Variants in PKP2 observed in about 807,000 individuals in gnomAD.
PKP2 encodes plakophilin 2.
A neutral mutation model predicts 83.4 loss-of-function variants in PKP2; 73 were observed. The observed-to-expected ratio is 0.88, with a 90% confidence interval of 0.72 to 1.06. PKP2 has a LOEUF of 1.06. Among genes scored for constraint, PKP2 ranks in the 50% least tolerant of loss-of-function variants. The probability of loss-of-function intolerance (pLI) is 0.00; values close to 1 mark genes in which losing one functional copy is unlikely to be tolerated. For missense variants in PKP2, 966 were observed against 1,065.4 expected, an observed-to-expected ratio of 0.91 and a Z score of 1.30; for synonymous variants, 409 against 430.4, an observed-to-expected ratio of 0.95 and a Z score of 0.62.
chr12:32,801,376 T>G (rs57788279), intron 10 of PKP2, among the ~76,000 whole-genome samples: 31,183 of 152,024 alleles, frequency 0.21, 3,832 homozygotes, highest in East Asian at 0.56. Context: ...CAAAAGACCA[T>G]GGGGAGAGCA....
chr12:32,878,606 T>C, intron 2 of PKP2, 63 bp from the exon 3 acceptor site: 1 of 1,304,624 alleles, frequency 7.7e-7, no homozygotes, highest in Non-Finnish European at 1.1e-6. Flanking sequence ...TGCTGAGGAC[T>C]AATTACTCTG....
At chr12:32,796,793 A>G (rs1956130245) in intron 10 of PKP2, among the ~76,000 whole-genome samples, 2 of 152,192 alleles carry the variant, frequency 1.3e-5, no homozygotes, top group Admixed American at 6.5e-5. Context: ...TGAAAAGAGG[A>G]TACTCTGTGC....
chr12:32,856,937 T>C (rs376694005), intron 4 of PKP2, among the ~76,000 whole-genome samples: 40 of 152,268 alleles, frequency 2.6e-4, no homozygotes, highest in African/African-American at 8.4e-4. Flanking sequence ...CTATTTCTAC[T>C]TTATAGGTAA....
intron 4 of PKP2, among the ~76,000 whole-genome samples, chr12:32,860,696 G>A (rs985533993): frequency 2.6e-5 from 4 of 152,088 alleles, no homozygotes; most frequent in African/African-American, 9.7e-5. Flanking sequence ...AATGCACACT[G>A]CACATGTATC....
At chr12:32,817,896 T>C (rs556611558) in intron 9 of PKP2, among the ~76,000 whole-genome samples, 24 of 152,270 alleles carry the variant, frequency 1.6e-4, no homozygotes, top group Admixed American at 3.3e-4. Context: ...GTGCTTGAGC[T>C]CCACTTCCTG....
chr12:32,800,383 A>G (rs940939205), intron 10 of PKP2, among the ~76,000 whole-genome samples: 1 of 152,172 alleles, frequency 6.6e-6, no homozygotes, highest in Non-Finnish European at 1.5e-5. Context: ...GCACTGAATG[A>G]TATGTCATCA....
At chr12:32,880,262 T>G (rs1956973577) in intron 1 of PKP2, among the ~76,000 whole-genome samples, 1 of 149,566 alleles carries the variant, frequency 6.7e-6, no homozygotes, top group Non-Finnish European at 1.5e-5. Flanking sequence ...TAGTCGGGGG[T>G]GGTGGTGGGC....
In PKP2 at chr12:32,792,444, A is replaced by G; in HGVS notation, c.2494T>C (p.Tyr832His). 6.2e-7 allele frequency: 1 copy of G among 1,613,578 alleles called. No homozygotes were observed. Among genetic ancestry groups the G allele is most frequent in the Non-Finnish European group, 8.5e-7 (1 of 1,179,492 alleles). Residue 832 changes from tyrosine (Y) to histidine (H), a missense_variant, in exon 13 of 13, where the codon TAC (tyrosine) becomes CAC (histidine). Coordinates refer to ENST00000340811, the MANE Select transcript of PKP2 (RefSeq NM_001005242.3). ...TTTCCTCAGTCTTTAAGGGAGTGGTAGGCTTTGGCAGTCCGGCTGTTGACA... is the reference window on the plus strand; with the variant it reads ...TTTCCTCAGTCTTTAAGGGAGTGGTGGGCTTTGGCAGTCCGGCTGTTGACA... ...DFVNSRTAKA[Y>H]HSLKD
chr12:32,801,004 C>T (rs1343567353), intron 10 of PKP2, among the ~76,000 whole-genome samples: 3 of 152,194 alleles, frequency 2.0e-5, no homozygotes. Context: ...CTGACTTTCA[C>T]TTATTTCTTG....
In PKP2 at chr12:32,806,955, G is replaced by A. The variant is rs1444194888; in HGVS notation, c.2014-4399C>T. 3.3e-5 allele frequency among the ~76,000 whole-genome samples: 5 copies of A among 151,992 alleles called. No homozygotes were observed. In the East Asian group the frequency reaches 5.8e-4, roughly 18 times the overall value. ...ACTTCTTGACTTCTGCCTTAATTTC[G>A]TTATTTATCCACAAGTAATTCAGGA... On this transcript the variant is annotated intron_variant, in intron 9 of 12. Transcript: ENST00000340811.
chr12:32,792,719 G>T lies in PKP2; in HGVS notation c.2370C>A (p.Asn790Lys), dbSNP rs775519219. 6.2e-7 allele frequency: 1 copy of T among 1,613,830 alleles called. No individual in the cohort carries two copies. Among genetic ancestry groups the T allele is most frequent in the African/African-American group, 1.3e-5 (1 of 75,002 alleles). Reference protein sequence around the residue: ...AISAGDAYASNKASKAASVLL... With the variant: ...AISAGDAYASKKASKAASVLL... The stretch of plus-strand genomic sequence containing the variant: ...GGACGGAAGCAGCTTTACTTGCTTT[G>T]TTGGAGGCATAGCTGAAAAGAAAAG... The change falls in exon 12 of 13, where the codon AAC becomes AAA. Residue 790 changes from asparagine to lysine, a missense_variant. Coordinates refer to ENST00000340811, the MANE Select transcript of PKP2 (RefSeq NM_001005242.3).
At chr12:32,821,864 A>C (rs1404809916) in intron 8 of PKP2, 29 of 321,218 alleles carry the variant, frequency 9.0e-5, no homozygotes, top group Middle Eastern at 1.1e-3. Context: ...CCCTGTAGAT[A>C]AGAAAAACAG....
chr12:32,806,620 T>C (rs1253761048), intron 9 of PKP2, among the ~76,000 whole-genome samples: 1 of 152,124 alleles, frequency 6.6e-6, no homozygotes, highest in African/African-American at 2.4e-5. Flanking sequence ...TTAGTCTAGC[T>C]AGTAGATCAT....
At chr12:32,807,835 T>C (rs962288521) in intron 9 of PKP2, among the ~76,000 whole-genome samples, 4 of 152,218 alleles carry the variant, frequency 2.6e-5, no homozygotes, top group African/African-American at 9.6e-5. Context: ...TTCTTTTCTT[T>C]AAGAATTTTA....
At chr12:32,824,755 C>A (rs182606845) in intron 6 of PKP2, among the ~76,000 whole-genome samples, 2 of 152,290 alleles carry the variant, frequency 1.3e-5, no homozygotes, top group African/African-American at 4.8e-5. Flanking sequence ...GTGTGTAAGG[C>A]TTCAGTCAAA....
intron 6 of PKP2, among the ~76,000 whole-genome samples, chr12:32,830,915 A>T (rs1427618438): frequency 6.6e-6 from 1 of 152,016 alleles, no homozygotes; most frequent in Non-Finnish European, 1.5e-5. Flanking sequence ...AAAAAAAAAA[A>T]AAAAATCCTT....
intron 5 of PKP2, among the ~76,000 whole-genome samples, chr12:32,844,322 C>A (rs1465126029): frequency 6.6e-6 from 1 of 152,072 alleles, no homozygotes; most frequent in Non-Finnish European, 1.5e-5. Flanking sequence ...TAACCAACTA[C>A]AAACTGGGAA....
intron 3 of PKP2, among the ~76,000 whole-genome samples, chr12:32,876,366 G>T (rs1297363949): frequency 6.6e-6 from 1 of 152,192 alleles, no homozygotes; most frequent in Non-Finnish European, 1.5e-5. Context: ...GAGAATGCCA[G>T]TTGTTGGAGG....
rs999236437 is a variant in PKP2 at position 32,814,404 on chromosome 12, CAG to C, written c.2013+6950_2013+6951del. On this transcript the variant is annotated intron_variant, in intron 9 of 12. Transcript: ENST00000340811. The stretch of plus-strand genomic sequence containing the variant: ...TGGTCACACAGAGCCTGTGTTCACT[CAG>C]AGACATGTTGCCTCTGAAAACATAA... 3.9e-5 allele frequency among the ~76,000 whole-genome samples: 6 copies of C among 152,278 alleles called. No homozygotes were observed. The East Asian group carries it at 9.7e-4, about 25-fold the overall frequency.
Sources: allele counts gnomAD v4.1 joint callset (sites outside exome capture counted in the v4.1 genomes callset), GRCh38; gene constraint gnomAD v4.1.1; transcripts MANE v1.5; gene names NCBI Gene and HGNC (gene_info 2026-07-23, HGNC 2026-07-21).